The following NR2C1 variants were observed in gnomAD, a reference collection of about 807,000 sequenced individuals.
NR2C1 encodes the protein TR2 nuclear hormone receptor.
A neutral mutation model predicts 74.8 loss-of-function variants in NR2C1; 33 were observed. The ratio of observed to expected loss-of-function variants is 0.44; its 90% CI spans 0.33 to 0.59. The LOEUF (loss-of-function observed/expected upper bound fraction) is 0.59, where lower values mean the gene tolerates loss of function less well. Among genes scored for constraint, NR2C1 ranks in the 20% least tolerant of loss-of-function variants. The pLI is 0.02. For missense variants in NR2C1, 568 were observed against 715.6 expected (o/e 0.79, Z 2.35); for synonymous variants, 225 against 240.6 (o/e 0.94, Z 0.60).
intron 7 of NR2C1, among the ~76,000 whole-genome samples, chr12:95,055,209 T>C (rs1873660296): frequency 6.6e-6 from 1 of 152,234 alleles, no homozygotes; most frequent in Non-Finnish European, 1.5e-5. Context: ...GGGCAATTTA[T>C]CAGAGAAGCT....
At chr12:95,026,758 G>A (rs1869419255) in intron 12 of NR2C1, 1 of 152,154 alleles carries the variant, frequency 6.6e-6, no homozygotes, top group African/African-American at 2.4e-5. Flanking sequence ...CACAAGAACA[G>A]AAACATATCA....
intron 8 of NR2C1, among the ~76,000 whole-genome samples, chr12:95,049,750 A>G (rs1360252244): frequency 6.6e-6 from 1 of 152,212 alleles, no homozygotes; most frequent in Non-Finnish European, 1.5e-5. Flanking sequence ...TTTATTATAC[A>G]CAGTACAATA....
intron 11 of NR2C1, among the ~76,000 whole-genome samples, chr12:95,029,493 C>T (rs530330374): frequency 1.3e-5 from 2 of 151,306 alleles, no homozygotes; most frequent in South Asian, 4.2e-4. Flanking sequence ...GTTTATGGCA[C>T]TTGGCTTGTT....
chr12:95,068,661 G>T (rs567794608), intron 1 of NR2C1, among the ~76,000 whole-genome samples: 3 of 152,224 alleles, frequency 2.0e-5, no homozygotes, highest in South Asian at 2.1e-4. Context: ...AGGTGTGGTG[G>T]TACATGCCTG....
intron 7 of NR2C1, among the ~76,000 whole-genome samples, chr12:95,057,030 GA>G (rs1371502029): frequency 1.3e-5 from 2 of 151,114 alleles, no homozygotes; most frequent in Middle Eastern, 3.5e-3. Context: ...CAAGATGAGG[GA>G]AGAGTACGTG....
At chr12:95,043,516 G>A (rs1044123726) in intron 9 of NR2C1, among the ~76,000 whole-genome samples, 4 of 151,624 alleles carry the variant, frequency 2.6e-5, no homozygotes, top group South Asian at 2.1e-4. Flanking sequence ...GGTAAAACCA[G>A]GTCTCTACTA....
At chr12:95,062,210 C>T (rs75386214) in intron 3 of NR2C1, among the ~76,000 whole-genome samples, 8,653 of 152,252 alleles carry the variant, frequency 0.057, 350 homozygotes, top group Middle Eastern at 0.1. Flanking sequence ...ACTGTTTCTT[C>T]AACCTTCCTA....
Position 95,022,217 on chromosome 12 carries a change from C to T in NR2C1, c.*12G>A. 6.2e-7 allele frequency: 1 copy of T among 1,601,286 alleles called. No homozygotes were observed. Among genetic ancestry groups the T allele is most frequent in the Non-Finnish European group, 8.5e-7 (1 of 1,174,590 alleles). ...AAGAACAGTTAAGTTTACAGCACTG[C>T]AGTCACAGTTTTCAAATGCTGTGAC... On this transcript the variant is annotated 3_prime_UTR_variant, in exon 14 of 14. Coordinates refer to ENST00000333003, the MANE Select transcript of NR2C1 (RefSeq NM_003297.4).
intron 12 of NR2C1, chr12:95,025,462 C>A (rs1300064158): frequency 3.0e-6 from 1 of 334,216 alleles, no homozygotes; most frequent in Non-Finnish European, 5.3e-6. Context: ...AGTTCAAGAC[C>A]AGCCTGACCA....
intron 9 of NR2C1, among the ~76,000 whole-genome samples, chr12:95,044,051 TAA>T (rs1871968307): frequency 6.6e-6 from 1 of 152,294 alleles, no homozygotes; most frequent in Admixed American, 6.5e-5. Context: ...TATTCCTATA[TAA>T]AGAGTGAGCT....
intron 9 of NR2C1, among the ~76,000 whole-genome samples, chr12:95,041,815 T>C (rs1871563084): frequency 6.6e-6 from 1 of 152,196 alleles, no homozygotes; most frequent in Non-Finnish European, 1.5e-5. Flanking sequence ...AGCAAAATAC[T>C]TGCATACATG....
At position 95,051,914 on chromosome 12, in the gene NR2C1, T is replaced by A. The variant is rs1245829097; in HGVS notation, c.813A>T (p.Thr271=). ...KAESCQGDLS[T]LANVVTSLAN... ...CTAATGATGTAACCACATTGGCCAATGTACTTAAATCTCCCTGACATGATT... is the reference window on the plus strand; with the variant it reads ...CTAATGATGTAACCACATTGGCCAAAGTACTTAAATCTCCCTGACATGATT... Residue 271 remains threonine, a synonymous_variant, in exon 8 of 14, where the codon ACA becomes ACT. Transcript: ENST00000333003. The A allele has an allele frequency of 1.9e-6, 3 of 1,596,948 alleles. No individual in the cohort carries two copies. The highest frequency in any genetic ancestry group is 2.6e-6 in the Non-Finnish European group (3 of 1,175,344).
At chr12:95,045,500 T>C (rs981432767) in intron 9 of NR2C1, among the ~76,000 whole-genome samples, 12 of 151,924 alleles carry the variant, frequency 7.9e-5, no homozygotes, top group African/African-American at 2.9e-4. Flanking sequence ...TTAAAAGGCC[T>C]AAAATATGGT....
intron 9 of NR2C1, among the ~76,000 whole-genome samples, chr12:95,043,111 A>C (rs1320039577): frequency 1.3e-5 from 2 of 152,102 alleles, no homozygotes; most frequent in African/African-American, 4.8e-5. Flanking sequence ...AAATAAAAAA[A>C]TTAGCTGGAC....
intron 11 of NR2C1, chr12:95,030,658 T>C (rs554598644): frequency 2.5e-6 from 4 of 1,609,930 alleles, no homozygotes; most frequent in African/African-American, 1.3e-5. Flanking sequence ...AAGCAAATGA[T>C]TTAAAAATTA....
At chr12:95,050,632 C>CT (rs771602099) in intron 8 of NR2C1, among the ~76,000 whole-genome samples, 14 of 150,706 alleles carry the variant, frequency 9.3e-5, no homozygotes, top group Admixed American at 4.0e-4. Context: ...TTTATCATAT[C>CT]TTTTTTTTTC....
intron 2 of NR2C1, among the ~76,000 whole-genome samples, chr12:95,066,443 T>C (rs1875716443): frequency 6.6e-6 from 1 of 152,142 alleles, no homozygotes; most frequent in East Asian, 1.9e-4. Flanking sequence ...CATACATACA[T>C]ATATGTATAT....
At chr12:95,045,748 C>T (rs1050120231) in intron 9 of NR2C1, among the ~76,000 whole-genome samples, 3 of 152,044 alleles carry the variant, frequency 2.0e-5, no homozygotes, top group African/African-American at 7.2e-5. Flanking sequence ...TATGATCTAC[C>T]ATATTCTTAA....
chr12:95,058,259 AGTT>A, intron 5 of NR2C1, 48 bp downstream of exon 5: 1 of 1,480,076 alleles, frequency 6.8e-7, no homozygotes, highest in Non-Finnish European at 9.2e-7. Context: ...ATACTCTTGT[AGTT>A]TGCTGGAATC....
Sources: allele counts gnomAD v4.1 joint callset (sites outside exome capture counted in the v4.1 genomes callset), GRCh38; gene constraint gnomAD v4.1.1; transcripts MANE v1.5; gene names NCBI Gene and HGNC (gene_info 2026-07-23, HGNC 2026-07-21).